The following VWF variants were observed in gnomAD, a reference collection of about 807,000 sequenced individuals.
VWF encodes Factor VIII related antigen.
Under a neutral mutation model 308.6 loss-of-function variants are expected in VWF, and 176 were observed. The ratio of observed to expected loss-of-function variants is 0.57; its 90% confidence interval spans 0.50 to 0.65. The LOEUF (loss-of-function observed/expected upper bound fraction) is 0.65, where lower values mean the gene tolerates loss of function less well. Ranked by LOEUF, VWF falls within the 30% of genes least tolerant of loss-of-function variation. The pLI is 0.00. For missense variants in VWF, 3,146 were observed against 3,648.2 expected, an observed-to-expected ratio of 0.86 and a Z score of 3.55; for synonymous variants, 1,385 against 1,443.4, an observed-to-expected ratio of 0.96 and a Z score of 0.92.
chr12:5,972,512 G>A (rs142138058), intron 43 of VWF, among the ~76,000 whole-genome samples: 8 of 152,310 alleles, frequency 5.3e-5, no homozygotes, highest in South Asian at 2.1e-4. Flanking sequence ...AACCACAGCT[G>A]TTCAGGACGG....
rs1342325845 is a variant in VWF at position 5,968,281 on chromosome 12, C to T, written c.7730-114G>A. The T allele has an allele frequency of 2.0e-5, 26 of 1,327,836 alleles. No individual in the cohort carries two copies. The East Asian group carries it at 3.7e-4, about 19-fold the overall frequency. 82.3% of individuals were successfully genotyped at this position (1,327,836 alleles called of 1,614,324 possible). On this transcript the variant is annotated intron_variant, in intron 45 of 51. Coordinates refer to ENST00000261405, the MANE Select transcript of VWF (RefSeq NM_000552.5). ...CCGTGTCTGGGCCTCCCTCCTGTATCGGTCGGCCCTTTCCCCCCACCCCAC... is the reference window on the plus strand; with the variant it reads ...CCGTGTCTGGGCCTCCCTCCTGTATTGGTCGGCCCTTTCCCCCCACCCCAC...
At chr12:6,103,279 TCCA>T in intron 5 of VWF, among the ~76,000 whole-genome samples, 3 of 151,504 alleles carry the variant, frequency 2.0e-5, no homozygotes, top group African/African-American at 7.3e-5. Flanking sequence ...AGTGAGCCAA[TCCA>T]CGCCACTGCA....
chr12:6,068,327 C>G (rs906519172), intron 10 of VWF, among the ~76,000 whole-genome samples: 2 of 152,098 alleles, frequency 1.3e-5, no homozygotes, highest in African/African-American at 4.8e-5. Context: ...ATTTGTTTCC[C>G]CAGCCCCACA....
At chr12:6,026,507 A>T (rs1276317742) in intron 22 of VWF, among the ~76,000 whole-genome samples, 1 of 152,242 alleles carries the variant, frequency 6.6e-6, no homozygotes. Context: ...GGAGAAGTGC[A>T]GCCTGTTCAG....
intron 6 of VWF, among the ~76,000 whole-genome samples, chr12:6,090,627 C>G (rs376843443): frequency 0.015 from 1,088 of 74,642 alleles, 8 homozygotes; most frequent in Admixed American, 0.033. Context: ...CCTCCTCCTC[C>G]TTCTCGTCCT....
At position 6,027,849 on chromosome 12, in the gene VWF, TACACACAC is replaced by T. The variant is rs138442170; in HGVS notation, c.2967+1485_2967+1492del. Among the ~76,000 whole-genome samples the T allele has an allele frequency of 1.0e-3, 135 of 131,272 alleles. 1 individual carries two copies. In the Middle Eastern group the frequency reaches 0.011, roughly 11 times the overall value. The allele number at this position is 131,272 out of a possible 152,430, so 86.1% of individuals were successfully genotyped here. A position where few individuals can be genotyped will look rare whatever the true frequency, so the allele number is the denominator to read the frequency against. On this transcript the variant is annotated intron_variant, in intron 22 of 51. Transcript: ENST00000261405. ...AAAAAACAAATACATGGAAGACACA[TACACACAC>T]ACACACACACACACACACACACACA...
chr12:5,977,085 G>A (rs538405304), intron 42 of VWF, among the ~76,000 whole-genome samples: 28 of 152,300 alleles, frequency 1.8e-4, no homozygotes, highest in African/African-American at 6.5e-4. Context: ...TCTAGCTTCT[G>A]TATAATGAAC....
intron 34 of VWF, among the ~76,000 whole-genome samples, chr12:6,009,925 C>T (rs1231926874): frequency 6.6e-6 from 1 of 152,068 alleles, no homozygotes; most frequent in Admixed American, 6.6e-5. Context: ...TATCTAAAAT[C>T]GTCAAATTCA....
At chr12:5,967,671 C>T (rs1943420147) in intron 46 of VWF, 69 bp from the exon 47 acceptor site, 3 of 1,392,830 alleles carry the variant, frequency 2.2e-6, no homozygotes, top group South Asian at 2.3e-5. Flanking sequence ...CACTCTCATA[C>T]CCTGTCTCCT....
At chr12:6,015,311 G>A (rs1365460416) in intron 31 of VWF, among the ~76,000 whole-genome samples, 2 of 152,166 alleles carry the variant, frequency 1.3e-5, no homozygotes, top group African/African-American at 2.4e-5. Context: ...AATACAATAC[G>A]ATTTGCACAT....
At chr12:6,092,624 T>TGAGTGA (rs1180180618) in intron 6 of VWF, among the ~76,000 whole-genome samples, 6 of 87,014 alleles carry the variant, frequency 6.9e-5, no homozygotes, top group African/African-American at 3.2e-4. Context: ...TGAGAGTGTG[T>TGAGTGA]GTGTGTGTGT....
chr12:6,088,835 G>A (rs1945001837), intron 6 of VWF, among the ~76,000 whole-genome samples: 1 of 152,236 alleles, frequency 6.6e-6, no homozygotes, highest in Admixed American at 6.5e-5. Flanking sequence ...AAATTTGCAT[G>A]CAATCAAACA....
At chr12:6,027,849 T>TAC (rs138442170) in intron 22 of VWF, among the ~76,000 whole-genome samples, 5,234 of 130,772 alleles carry the variant, frequency 0.04, 111 homozygotes, top group East Asian at 0.056. Context: ...GGAAGACACA[T>TAC]ACACACACAC....
intron 21 of VWF, among the ~76,000 whole-genome samples, chr12:6,030,664 G>A (rs959016736): frequency 1.3e-5 from 2 of 152,140 alleles, no homozygotes; most frequent in African/African-American, 4.8e-5. Flanking sequence ...AGGGAGTCTT[G>A]TGTACACTTA....
Position 6,058,166 on chromosome 12 carries a change from G to C in VWF, c.1534-122C>G. ...CCCCGGGTGAAACATAAATATGAAT[G>C]TAATAAAAGGCAGCTAAGCCCTAGG... On this transcript the variant is annotated intron_variant, in intron 13 of 51. Coordinates refer to ENST00000261405, the MANE Select transcript of VWF (RefSeq NM_000552.5). The surrounding 1 kb of genome is among the most constrained non-coding windows in gnomAD (Gnocchi z 4.9). 8.8e-7 allele frequency: 1 copy of C among 1,142,572 alleles called. No homozygotes were observed. The highest frequency in any genetic ancestry group is 1.2e-6 in the Non-Finnish European group (1 of 814,290). The allele number at this position is 1,142,572 out of a possible 1,614,324, so 70.8% of individuals were successfully genotyped here.
At chr12:6,033,157 T>C (rs1182595174) in intron 20 of VWF, among the ~76,000 whole-genome samples, 1 of 152,242 alleles carries the variant, frequency 6.6e-6, no homozygotes, top group Non-Finnish European at 1.5e-5. Context: ...GTTAGGTCGA[T>C]GCATGGCGAA....
chr12:5,974,109 A>T (rs925332989), intron 43 of VWF, among the ~76,000 whole-genome samples: 1 of 152,178 alleles, frequency 6.6e-6, no homozygotes, highest in Non-Finnish European at 1.5e-5. Flanking sequence ...TAGACAACAC[A>T]TGGACCGGCA....
At chr12:6,110,810 G>T (rs912878996) in intron 4 of VWF, 56 bp downstream of exon 4, 1 of 1,556,246 alleles carries the variant, frequency 6.4e-7, no homozygotes, top group African/African-American at 1.4e-5. Context: ...TAAAAATGAG[G>T]GGGTTGTGTC....
At chr12:6,006,011 T>C (rs1293690388) in intron 34 of VWF, among the ~76,000 whole-genome samples, 1 of 152,042 alleles carries the variant, frequency 6.6e-6, no homozygotes, top group African/African-American at 2.4e-5. Context: ...AATTCTGGTA[T>C]AGTACTTAAA....
Sources: gnomAD v4.1 joint callset for allele counts (sites outside exome capture counted in the v4.1 genomes callset) on GRCh38, gnomAD v4.1.1 for gene constraint, Gnocchi (gnomAD v3.1) non-coding constraint, MANE v1.5 for transcripts, NCBI Gene and HGNC (gene_info 2026-07-23, HGNC 2026-07-21) for gene names.